CTIF: variants seen among roughly 807,000 people sequenced by gnomAD.
CTIF encodes the protein cap binding complex dependent translation initiation factor, also known as CBP80/20-dependent translation initiation factor.
Under a neutral mutation model 66.0 loss-of-function variants are expected in CTIF, and 21 were observed. That is an observed-to-expected ratio of 0.32 (90% CI 0.23 to 0.46). CTIF has a LOEUF of 0.46. Ranked by LOEUF, CTIF falls within the 20% of genes least tolerant of loss-of-function variation. The pLI, the probability that CTIF is intolerant of heterozygous loss-of-function variation, is 1.00. For missense variants in CTIF, 739 were observed against 812.7 expected (o/e 0.91, Z 1.10); for synonymous variants, 345 against 326.4 (o/e 1.06, Z -0.62).
chr18:48,613,691 C>T (rs1450615059), intron 1 of CTIF, among the ~76,000 whole-genome samples: 1 of 152,188 alleles, frequency 6.6e-6, no homozygotes, highest in Non-Finnish European at 1.5e-5. Context: ...AACAGAGATG[C>T]AGACCCAGGA....
chr18:48,579,693 G>A (rs1446631349), intron 1 of CTIF, among the ~76,000 whole-genome samples: 9 of 152,046 alleles, frequency 5.9e-5, no homozygotes, highest in Non-Finnish European at 1.0e-4. Flanking sequence ...TAACTCCCAG[G>A]TCCCTTTCTC....
intron 1 of CTIF, among the ~76,000 whole-genome samples, chr18:48,589,349 G>A (rs753108581): frequency 3.3e-4 from 51 of 152,276 alleles, no homozygotes; most frequent in Non-Finnish European, 6.5e-4. Flanking sequence ...CAGATCCAGG[G>A]CTATGCCGGT....
intron 6 of CTIF, among the ~76,000 whole-genome samples, chr18:48,706,777 A>T (rs2092160856): frequency 6.6e-6 from 1 of 152,184 alleles, no homozygotes; most frequent in Non-Finnish European, 1.5e-5. Flanking sequence ...ACAGGAGTGT[A>T]TGTGCACGTG....
At chr18:48,682,534 A>G (rs2091764892) in intron 6 of CTIF, among the ~76,000 whole-genome samples, 2 of 152,228 alleles carry the variant, frequency 1.3e-5, no homozygotes, top group African/African-American at 4.8e-5. Context: ...CTTACGACCT[A>G]CTTGCAGGCC....
At chr18:48,796,182 T>C (rs1174425242) in intron 9 of CTIF, among the ~76,000 whole-genome samples, 2 of 151,790 alleles carry the variant, frequency 1.3e-5, no homozygotes, top group Admixed American at 6.6e-5. Context: ...TATTTTATTT[T>C]ATTTTATTTG....
intron 6 of CTIF, among the ~76,000 whole-genome samples, chr18:48,701,183 G>A (rs1255404757): frequency 6.6e-6 from 1 of 152,130 alleles, no homozygotes; most frequent in Non-Finnish European, 1.5e-5. Context: ...TTTTTCAGGG[G>A]CTGCAGAATG....
chr18:48,680,312 A>G (rs937743968), intron 6 of CTIF, among the ~76,000 whole-genome samples: 2 of 152,226 alleles, frequency 1.3e-5, no homozygotes, highest in Non-Finnish European at 2.9e-5. Flanking sequence ...TTAATCCTTC[A>G]GGGAGTAGGG....
intron 7 of CTIF, among the ~76,000 whole-genome samples, chr18:48,725,012 A>G (rs150280675): frequency 6.6e-6 from 1 of 152,338 alleles, no homozygotes; most frequent in East Asian, 1.9e-4. Flanking sequence ...AAGAAAAGAC[A>G]TGTGTGAACT....
At chr18:48,771,311 T>C (rs1303111802) in intron 9 of CTIF, among the ~76,000 whole-genome samples, 1 of 152,216 alleles carries the variant, frequency 6.6e-6, no homozygotes, top group Non-Finnish European at 1.5e-5. Context: ...CCCACCACCA[T>C]ACTGGTACCC....
In CTIF at chr18:48,636,951, A is replaced by G. The variant is rs556912768; in HGVS notation, c.252+266A>G. Reference sequence around the variant, plus strand: ...TAACACATATCTGGAAGCAGCCCAGATGTTCACTGAGGGGAATGGAGAGGT... The same window carrying G: ...TAACACATATCTGGAAGCAGCCCAGGTGTTCACTGAGGGGAATGGAGAGGT... On this transcript the variant is annotated intron_variant, in intron 3 of 11. Coordinates refer to ENST00000256413, the MANE Select transcript of CTIF (RefSeq NM_014772.3). Among the ~76,000 whole-genome samples, 6 of 152,294 alleles carry G rather than the reference A, an allele frequency of 3.9e-5. 1 individual carries two copies. The highest frequency in any genetic ancestry group is 1.4e-4 in the African/African-American group (6 of 41,552).
intron 1 of CTIF, among the ~76,000 whole-genome samples, chr18:48,555,871 G>A (rs1599135662): frequency 6.6e-6 from 1 of 152,204 alleles, no homozygotes. Context: ...GGAATAGGGG[G>A]CAAAGGAAAG....
chr18:48,587,069 C>T (rs2089784930), intron 1 of CTIF, among the ~76,000 whole-genome samples: 1 of 150,034 alleles, frequency 6.7e-6, no homozygotes, highest in Non-Finnish European at 1.5e-5. Context: ...TGAACTAAGC[C>T]ACATTCTTTT....
At chr18:48,621,891 G>C (rs747711367) in intron 2 of CTIF, among the ~76,000 whole-genome samples, 1 of 152,202 alleles carries the variant, frequency 6.6e-6, no homozygotes, top group Non-Finnish European at 1.5e-5. Flanking sequence ...CAAGTCAGGG[G>C]TTGCTGGAGC....
intron 10 of CTIF, among the ~76,000 whole-genome samples, chr18:48,849,833 C>G (rs2069161883): frequency 6.6e-6 from 1 of 152,142 alleles, no homozygotes; most frequent in African/African-American, 2.4e-5. Flanking sequence ...ATCCACCCGT[C>G]TCGACCTCCC....
intron 9 of CTIF, among the ~76,000 whole-genome samples, chr18:48,813,979 A>G (rs1346866265): frequency 6.6e-6 from 1 of 152,198 alleles, no homozygotes; most frequent in Non-Finnish European, 1.5e-5. Flanking sequence ...CCAGCCAGAG[A>G]CAGATAGAGG....
Position 48,656,852 on chromosome 18 carries a change from C to T in CTIF, c.253-6900C>T, listed in dbSNP as rs557276055. On this transcript the variant is annotated intron_variant, in intron 3 of 11. Transcript: ENST00000256413. ...TCAGGGCTGGAGAGGATGCTGTGCT[C>T]AGAGGGAAGCTGTGGTTACCAGGGC... Among the ~76,000 whole-genome samples, 5 of 152,268 alleles carry T rather than the reference C, an allele frequency of 3.3e-5. No homozygotes were observed. The South Asian group carries it at 1.0e-3, about 32-fold the overall frequency.
chr18:48,593,572 C>T (rs1371652742), intron 1 of CTIF, among the ~76,000 whole-genome samples: 4 of 151,460 alleles, frequency 2.6e-5, no homozygotes, highest in South Asian at 2.1e-4. Flanking sequence ...TTAGTAGAGA[C>T]GGGGTTTCAC....
chr18:48,656,511 G>T (rs1024227870), intron 3 of CTIF, among the ~76,000 whole-genome samples: 3 of 152,174 alleles, frequency 2.0e-5, no homozygotes, highest in Admixed American at 6.5e-5. Context: ...CCTTTTAGGA[G>T]TCTGACCTCC....
At chr18:48,757,393 A>G in intron 7 of CTIF, among the ~76,000 whole-genome samples, 1 of 143,270 alleles carries the variant, frequency 7.0e-6, no homozygotes, top group South Asian at 2.2e-4. Context: ...ACAATGTTCC[A>G]AAAAAAAAAA....
Sources: gnomAD v4.1 joint callset for allele counts (sites outside exome capture counted in the v4.1 genomes callset) on GRCh38, gnomAD v4.1.1 for gene constraint, MANE v1.5 for transcripts, NCBI Gene and HGNC (gene_info 2026-07-23, HGNC 2026-07-21) for gene names.